SYF2: variants seen among roughly 807,000 people sequenced by gnomAD.
SYF2 encodes the protein SYF2 pre-mRNA splicing factor.
Under a neutral mutation model 32.7 loss-of-function variants are expected in SYF2, and 21 were observed. The observed-to-expected ratio is 0.64, with a 90% CI of 0.45 to 0.92. The LOEUF (loss-of-function observed/expected upper bound fraction) is 0.92, where lower values mean the gene tolerates loss of function less well. Ranked by LOEUF, SYF2 falls within the 40% of genes least tolerant of loss-of-function variation. The pLI is 0.00. For missense variants in SYF2, 278 were observed against 296.5 expected (o/e 0.94, Z 0.46); for synonymous variants, 114 against 103.9 (o/e 1.10, Z -0.59).
chr1:25,224,651 C>T (rs936828316), intron 6 of SYF2, among the ~76,000 whole-genome samples: 1 of 152,200 alleles, frequency 6.6e-6, no homozygotes. Flanking sequence ...TATTAAGAAA[C>T]ACAAACCTAA....
At position 25,225,012 on chromosome 1, in the gene SYF2, G is replaced by T. The variant is rs779457032; in HGVS notation, c.556C>A (p.Leu186Met). 9 of 1,612,462 alleles carry T rather than the reference G, an allele frequency of 5.6e-6. No homozygotes were observed. The highest frequency in any genetic ancestry group is 7.6e-6 in the Non-Finnish European group (9 of 1,178,684). The change falls in exon 6 of 7, where the codon CTG becomes ATG. Residue 186 changes from leucine (L) to methionine (M), a missense_variant. Transcript: ENST00000236273. ...TEEIDRMVID[L>M]EKQIEKRDKY... Reference sequence around the variant, plus strand: ...CTACTGAATACTTACTGTTTTTCCAGATCTATGACCATCCTGTCAATTTCC... The same window carrying T: ...CTACTGAATACTTACTGTTTTTCCATATCTATGACCATCCTGTCAATTTCC...
At chr1:25,228,900 T>G (rs1638570146) in intron 3 of SYF2, 98 bp downstream of exon 3, 2 of 1,437,836 alleles carry the variant, frequency 1.4e-6, no homozygotes, top group Non-Finnish European at 1.9e-6. Context: ...TTCTGGCAGC[T>G]TGGCCTAAGA....
chr1:25,228,230 A>G lies in SYF2; in HGVS notation c.264T>C (p.Cys88=), dbSNP rs1326992096. The change falls in exon 4 of 7, where the codon TGT becomes TGC. Residue 88 remains cysteine, a synonymous_variant. Coordinates refer to ENST00000236273, the MANE Select transcript of SYF2 (RefSeq NM_015484.5). The part of the protein sequence containing the change: ...ELKEEEKKKE[C]AARGEDYEKV... The stretch of plus-strand genomic sequence containing the variant: ...TCTCATAGTCTTCTCCTCTTGCCGC[A>G]CATTCCTAAAAAGAAGAAAAAAGCT... 2 of 1,611,478 alleles carry G rather than the reference A, an allele frequency of 1.2e-6. No homozygotes were observed. The highest frequency in any genetic ancestry group is 1.7e-6 in the Non-Finnish European group (2 of 1,179,748).
chr1:25,226,294 C>T (rs1164977194), intron 5 of SYF2, among the ~76,000 whole-genome samples: 1 of 152,222 alleles, frequency 6.6e-6, no homozygotes, highest in Admixed American at 6.5e-5. Context: ...TCACAAAGTG[C>T]TAGGAACAGA....
At position 25,223,306 on chromosome 1, in the gene SYF2, G is replaced by C. The variant is rs1204567061; in HGVS notation, c.692C>G (p.Ala231Gly). The C allele has an allele frequency of 3.7e-6, 6 of 1,613,616 alleles. No individual in the cohort carries two copies. Among genetic ancestry groups the C allele is most frequent in the Non-Finnish European group, 5.1e-6 (6 of 1,179,902 alleles). ...TCTTTCCAAATTCTGTTTAATTTCA[G>C]CTGTGTATTTCCCATAGAATCTTTC... is the stretch of plus-strand genomic sequence containing the variant. ...KAERFYGKYT[A>G]EIKQNLERGT... The change falls in exon 7 of 7, where the codon GCT (alanine) becomes GGT (glycine). Residue 231 changes from alanine to glycine, a missense_variant. Transcript: ENST00000236273.
At chr1:25,227,940 A>C (rs1638545464) in intron 4 of SYF2, among the ~76,000 whole-genome samples, 178 bp downstream of exon 4, 1 of 152,190 alleles carries the variant, frequency 6.6e-6, no homozygotes, top group Admixed American at 6.5e-5. Context: ...TGGCTAACTG[A>C]AGTACAGCCT....
chr1:25,227,317 A>G, intron 5 of SYF2, 125 bp downstream of exon 5: 2 of 797,118 alleles, frequency 2.5e-6, no homozygotes, highest in Admixed American at 5.4e-5. Context: ...AAAAACAGAG[A>G]CCATCCTTAG....
chr1:25,229,039 C>G lies in SYF2; in HGVS notation c.217G>C (p.Ala73Pro), dbSNP rs1163174531. The G allele has an allele frequency of 6.2e-7, 1 of 1,613,992 alleles. No homozygotes were observed. ...TCCTTTAGTTCCCACTCCAAACGAG[C>G]TTTTTTGGCTTCCCAATTTGCAGGT... ...KLPANWEAKK[A>P]RLEWELKEEE... The change falls in exon 3 of 7, where the codon GCT becomes CCT. Residue 73 changes from alanine to proline, a missense_variant. By Grantham distance (27) the Ala-to-Pro change is conservative. Transcript: ENST00000236273.
rs200280026 is a variant in SYF2, at chr1:25,229,035, C to T, written c.221G>A (p.Arg74His). Residue 74 changes from arginine to histidine, a missense_variant, in exon 3 of 7, where the codon CGT (arginine) becomes CAT (histidine). Physicochemically the swap from Arg to His is conservative, Grantham distance 29. Coordinates refer to ENST00000236273, the MANE Select transcript of SYF2 (RefSeq NM_015484.5). ...LPANWEAKKA[R>H]LEWELKEEEK... ...CTCTTCCTTTAGTTCCCACTCCAAA[C>T]GAGCTTTTTTGGCTTCCCAATTTGC... 6.8e-6 allele frequency: 11 copies of T among 1,613,990 alleles called. No individual in the cohort carries two copies. The highest frequency in any genetic ancestry group is 5.3e-5 in the African/African-American group (4 of 75,044).
chr1:25,232,376 C>A, intron 1 of SYF2, 68 bp downstream of exon 1: 8 of 1,613,142 alleles, frequency 5.0e-6, no homozygotes, highest in Non-Finnish European at 5.9e-6. Flanking sequence ...TTCGCCTCCA[C>A]CTCTCTCCAG....
chr1:25,228,786 T>C (rs747182255), intron 3 of SYF2, among the ~76,000 whole-genome samples: 6 of 152,216 alleles, frequency 3.9e-5, no homozygotes, highest in Non-Finnish European at 8.8e-5. Flanking sequence ...CAAATAATTA[T>C]TGTTACAGTC....
intron 2 of SYF2, 74 bp from the exon 3 acceptor site, chr1:25,229,197 G>A (rs1638578820): frequency 6.5e-7 from 1 of 1,548,252 alleles, no homozygotes; most frequent in Non-Finnish European, 8.7e-7. Context: ...CTTCTTTGAG[G>A]AGGGTCAGGC....
At chr1:25,229,444 A>AGTGC (rs745499719) in intron 2 of SYF2, among the ~76,000 whole-genome samples, 6 of 152,146 alleles carry the variant, frequency 3.9e-5, no homozygotes, top group Non-Finnish European at 8.8e-5. Flanking sequence ...ATTGGAGACC[A>AGTGC]TACTATAGTG....
chr1:25,227,613 C>T (rs769285568), intron 4 of SYF2, 81 bp from the exon 5 acceptor site: 46 of 1,258,438 alleles, frequency 3.7e-5, no homozygotes, highest in Non-Finnish European at 4.9e-5. Context: ...TAAATTATCA[C>T]AGGTGAGTAT....
intron 4 of SYF2, 144 bp downstream of exon 4, chr1:25,227,974 A>T: frequency 1.5e-6 from 1 of 650,844 alleles, no homozygotes; most frequent in South Asian, 2.2e-5. Context: ...CTCTCCTAAG[A>T]GACATATTTG....
At chr1:25,231,947 G>A in intron 2 of SYF2, 157 bp downstream of exon 2, 1 of 752,450 alleles carries the variant, frequency 1.3e-6, no homozygotes, top group Non-Finnish European at 2.4e-6. Context: ...ATCCCAATGT[G>A]CTGCCAGGGT....
intron 6 of SYF2, among the ~76,000 whole-genome samples, chr1:25,224,189 G>A (rs899956422): frequency 6.0e-5 from 9 of 150,396 alleles, no homozygotes; most frequent in Admixed American, 2.6e-4. Flanking sequence ...GTGAGACTCC[G>A]TCTCAAAAAA....
chr1:25,232,203 C>G lies in SYF2; in HGVS notation c.33G>C (p.Val11=), dbSNP rs1489515107. The change falls in exon 2 of 7, where the codon GTG becomes GTC. Residue 11 remains valine, a synonymous_variant. Coordinates refer to ENST00000236273, the MANE Select transcript of SYF2 (RefSeq NM_015484.5). ...CGAGGGACCCCTCCTCCGCGCTGTC[C>G]ACCAGCACCTGCGACAAGGAGAACT... MAAIAASEVL[V]DSAEEGSLAA... 6.2e-7 allele frequency: 1 copy of G among 1,613,444 alleles called. No individual in the cohort carries two copies. Among genetic ancestry groups the G allele is most frequent in the Admixed American group, 1.7e-5 (1 of 59,972 alleles).
chr1:25,223,175 G>T lies in SYF2; in HGVS notation c.*91C>A. 1 of 1,303,906 alleles carries T rather than the reference G, an allele frequency of 7.7e-7. No individual in the cohort carries two copies. Among genetic ancestry groups the T allele is most frequent in the Non-Finnish European group, 1.1e-6 (1 of 948,650 alleles). The allele number at this position is 1,303,906 out of a possible 1,614,324, so 80.8% of individuals were successfully genotyped here. On this transcript the variant is annotated 3_prime_UTR_variant, in exon 7 of 7. Coordinates refer to ENST00000236273, the MANE Select transcript of SYF2 (RefSeq NM_015484.5). ...GAGAAGGCATGGACTACTAAATTCT[G>T]GATTACTGATAAAATTTCAAAAAGA...
Sources: gnomAD v4.1 joint callset for allele counts (sites outside exome capture counted in the v4.1 genomes callset) on GRCh38, gnomAD v4.1.1 for gene constraint, MANE v1.5 for transcripts, NCBI Gene and HGNC (gene_info 2026-07-23, HGNC 2026-07-21) for gene names.